MARCHF8: variants seen among roughly 807,000 people sequenced by gnomAD.
MARCHF8 encodes the protein E3 ubiquitin-protein ligase MARCHF8.
A neutral mutation model predicts 51.6 loss-of-function variants in MARCHF8; 40 were observed. That is an observed-to-expected ratio of 0.77 (90% CI 0.60 to 1.01). MARCHF8 has a LOEUF of 1.01. MARCHF8 is among the 50% of genes least tolerant of loss of function. MARCHF8 has a pLI of 0.00. For synonymous variants in MARCHF8, 263 were observed against 280.3 expected (o/e 0.94, Z 0.62); for missense variants, 685 against 708.6 (o/e 0.97, Z 0.38).
At chr10:45,541,426 G>A (rs538086689) in intron 1 of MARCHF8, among the ~76,000 whole-genome samples, 2 of 152,110 alleles carry the variant, frequency 1.3e-5, no homozygotes, top group Non-Finnish European at 2.9e-5. Flanking sequence ...GTTGCGGGGT[G>A]GGGGGCTAGG....
chr10:45,530,498 T>C (rs189636547), intron 2 of MARCHF8, among the ~76,000 whole-genome samples: 1 of 152,324 alleles, frequency 6.6e-6, no homozygotes, highest in African/African-American at 2.4e-5. Context: ...AAAATGAAAC[T>C]GGGCCAGGTG....
intron 2 of MARCHF8, among the ~76,000 whole-genome samples, chr10:45,518,362 CAT>C (rs746006330): frequency 2.1e-4 from 32 of 152,298 alleles, no homozygotes; most frequent in African/African-American, 6.0e-4. Context: ...AGCTTGATGA[CAT>C]GTGTATTCTC....
At chr10:45,513,823 A>G (rs913330137) in intron 2 of MARCHF8, among the ~76,000 whole-genome samples, 1 of 152,190 alleles carries the variant, frequency 6.6e-6, no homozygotes, top group Non-Finnish European at 1.5e-5. Context: ...TCTGTCTTCT[A>G]TGCATTTTTC....
Position 45,463,341 on chromosome 10 carries a change from T to C in MARCHF8, c.898A>G (p.Met300Val), listed in dbSNP as rs985200849. Residue 300 changes from methionine (M) to valine (V), a missense_variant, in exon 5 of 8, where the codon ATG (methionine) becomes GTG (valine). Coordinates refer to ENST00000453424, the MANE Select transcript of MARCHF8 (RefSeq NM_001282866.2). ...CCCATCTCGTCAGAGCAGAAGCCCA[T>C]ACTCCCTGCCAGCCCGCTGGAGGAC... is the stretch of plus-strand genomic sequence containing the variant. ...AKSSSGLAGSMGFCSDEMGDD... is the reference protein window; with the variant it reads ...AKSSSGLAGSVGFCSDEMGDD... 5.5e-5 allele frequency: 86 copies of C among 1,550,770 alleles called. No homozygotes were observed. Among genetic ancestry groups the C allele is most frequent in the Non-Finnish European group, 6.9e-5 (79 of 1,147,056 alleles).
chr10:45,587,065 TC>T (rs1383652094), intron 1 of MARCHF8, among the ~76,000 whole-genome samples: 1 of 152,172 alleles, frequency 6.6e-6, no homozygotes, highest in Non-Finnish European at 1.5e-5. Flanking sequence ...ACATCTGCTC[TC>T]ACCACTTCTA....
chr10:45,463,587 C>T lies in MARCHF8; in HGVS notation c.652G>A (p.Val218Ile), dbSNP rs1589073863. 1 of 1,550,676 alleles carries T rather than the reference C, an allele frequency of 6.4e-7. No individual in the cohort carries two copies. Among genetic ancestry groups the T allele is most frequent in the Non-Finnish European group, 8.7e-7 (1 of 1,147,018 alleles). The part of the protein sequence containing the change: ...KPLGNSKHSC[V>I]SCLSAGRSTA... ...GAGCGACCGGCAGAAAGGCATGAAA[C>T]ACAAGAATGTTTGGAATTGCCAAGA... The change falls in exon 5 of 8, where the codon GTT becomes ATT. Residue 218 changes from valine to isoleucine, a missense_variant. Val to Ile is a conservative substitution (Grantham distance 29). Transcript: ENST00000453424.
intron 1 of MARCHF8, among the ~76,000 whole-genome samples, chr10:45,567,322 CT>C (rs1331121186): frequency 1.3e-5 from 2 of 152,182 alleles, no homozygotes; most frequent in African/African-American, 4.8e-5. Flanking sequence ...GTTGCCTGTA[CT>C]TGTGGGTTAT....
intron 3 of MARCHF8, among the ~76,000 whole-genome samples, chr10:45,478,580 A>G (rs117513591): frequency 0.011 from 1,729 of 151,300 alleles, 29 homozygotes; most frequent in African/African-American, 0.039. Flanking sequence ...AAAAAAAAAA[A>G]GATCAATGAA....
intron 1 of MARCHF8, among the ~76,000 whole-genome samples, chr10:45,533,801 A>C (rs1269494906): frequency 6.6e-6 from 1 of 152,204 alleles, no homozygotes; most frequent in Non-Finnish European, 1.5e-5. Flanking sequence ...CTATTCCTAT[A>C]AAGGGCAAGA....
At chr10:45,458,963 G>A (rs908642220) in intron 7 of MARCHF8, among the ~76,000 whole-genome samples, 157 bp downstream of exon 7, 2 of 152,208 alleles carry the variant, frequency 1.3e-5, no homozygotes, top group Admixed American at 6.5e-5. Flanking sequence ...TACCACCACA[G>A]CAAAAGAAAT....
At chr10:45,477,929 TAA>T (rs2042816122) in intron 3 of MARCHF8, among the ~76,000 whole-genome samples, 1 of 152,142 alleles carries the variant, frequency 6.6e-6, no homozygotes, top group African/African-American at 2.4e-5. Flanking sequence ...CAAATATTAT[TAA>T]ATCTAAAGGG....
At chr10:45,530,880 C>T (rs2133270213) in intron 2 of MARCHF8, among the ~76,000 whole-genome samples, 1 of 152,098 alleles carries the variant, frequency 6.6e-6, no homozygotes, top group African/African-American at 2.4e-5. Flanking sequence ...GAAAAGAGGA[C>T]TAAAACTGTC....
intron 1 of MARCHF8, among the ~76,000 whole-genome samples, chr10:45,578,009 G>T (rs956954631): frequency 6.6e-6 from 1 of 152,152 alleles, no homozygotes; most frequent in Non-Finnish European, 1.5e-5. Context: ...GAGACAGAGT[G>T]AGACCCTGTC....
chr10:45,470,386 C>A (rs1279555392), intron 3 of MARCHF8, among the ~76,000 whole-genome samples: 1 of 152,206 alleles, frequency 6.6e-6, no homozygotes, highest in Non-Finnish European at 1.5e-5. Context: ...AGTCACATGA[C>A]CCCTTCCCAT....
chr10:45,515,202 T>A (rs1249891336), intron 2 of MARCHF8, among the ~76,000 whole-genome samples: 2 of 152,178 alleles, frequency 1.3e-5, no homozygotes, highest in Non-Finnish European at 2.9e-5. Flanking sequence ...AAATCATCAT[T>A]CCAAGACAAA....
intron 3 of MARCHF8, among the ~76,000 whole-genome samples, chr10:45,482,793 T>A (rs1434871934): frequency 1.3e-5 from 2 of 152,118 alleles, no homozygotes; most frequent in South Asian, 2.1e-4. Flanking sequence ...CAAACCCAGA[T>A]ACACAGAACA....
intron 2 of MARCHF8, among the ~76,000 whole-genome samples, chr10:45,532,279 T>C (rs1293382958): frequency 2.0e-5 from 3 of 152,244 alleles, no homozygotes; most frequent in Non-Finnish European, 4.4e-5. Context: ...AAACCTGCAG[T>C]GAGGGTGTAT....
intron 1 of MARCHF8, among the ~76,000 whole-genome samples, chr10:45,547,501 G>A (rs2133327448): frequency 6.6e-6 from 1 of 152,292 alleles, no homozygotes; most frequent in Non-Finnish European, 1.5e-5. Flanking sequence ...ACTAAGCGGG[G>A]ATTCCAAGGT....
intron 2 of MARCHF8, among the ~76,000 whole-genome samples, chr10:45,527,717 C>T (rs1168131114): frequency 2.0e-5 from 3 of 152,130 alleles, no homozygotes; most frequent in Admixed American, 6.5e-5. Context: ...ATTGACAACA[C>T]TGTTCCCCCA....
Sources: allele counts gnomAD v4.1 joint callset (sites outside exome capture counted in the v4.1 genomes callset), GRCh38; gene constraint gnomAD v4.1.1; transcripts MANE v1.5; gene names NCBI Gene and HGNC (gene_info 2026-07-23, HGNC 2026-07-21).